The following ADK variants were observed in gnomAD, a reference collection of about 807,000 sequenced individuals.
ADK encodes the protein N6,N6-dimethyladenosine kinase.
Under a neutral mutation model 44.7 loss-of-function variants are expected in ADK, and 24 were observed. The ratio of observed to expected loss-of-function variants is 0.54; its 90% CI spans 0.39 to 0.76. The LOEUF is 0.76. ADK is among the 30% of genes least tolerant of loss of function. The pLI, the probability that ADK is intolerant of heterozygous loss-of-function variation, is 0.00. For missense variants in ADK, 321 were observed against 425.1 expected (o/e 0.76, Z 2.15); for synonymous variants, 128 against 142.6 (o/e 0.90, Z 0.73).
intron 3 of ADK, among the ~76,000 whole-genome samples, chr10:74,309,722 C>T (rs1840372286): frequency 1.3e-5 from 2 of 152,024 alleles, no homozygotes; most frequent in African/African-American, 4.8e-5. Context: ...AAAAGTCCAA[C>T]AGAGGTCCTA....
intron 1 of ADK, among the ~76,000 whole-genome samples, chr10:74,159,092 G>A (rs1166505740): frequency 1.3e-5 from 2 of 152,180 alleles, no homozygotes; most frequent in Non-Finnish European, 2.9e-5. Context: ...GATGTTGTTT[G>A]TACTTTTGGC....
intron 9 of ADK, among the ~76,000 whole-genome samples, chr10:74,602,055 T>C (rs1309297937): frequency 1.5e-5 from 2 of 136,114 alleles, no homozygotes; most frequent in Non-Finnish European, 3.0e-5. Flanking sequence ...TGTTGAGCTA[T>C]GATCTCTCCA....
At chr10:74,501,230 T>C (rs1405464025) in intron 6 of ADK, among the ~76,000 whole-genome samples, 1 of 152,200 alleles carries the variant, frequency 6.6e-6, no homozygotes, top group African/African-American at 2.4e-5. Flanking sequence ...TTCTGTTAAG[T>C]TAAAACAGTT....
intron 7 of ADK, among the ~76,000 whole-genome samples, chr10:74,580,588 AAAG>A (rs1219124327): frequency 1.3e-5 from 2 of 151,876 alleles, no homozygotes; most frequent in Non-Finnish European, 2.9e-5. Flanking sequence ...AAAAAAAAAA[AAAG>A]GAGTTACCCT....
chr10:74,512,193 T>C (rs1848359579), intron 6 of ADK, among the ~76,000 whole-genome samples: 1 of 152,128 alleles, frequency 6.6e-6, no homozygotes, highest in Non-Finnish European at 1.5e-5. Context: ...GGGTTCAGTT[T>C]GCTAGTATTT....
intron 4 of ADK, among the ~76,000 whole-genome samples, chr10:74,390,191 C>T (rs1288204304): frequency 6.6e-6 from 1 of 151,926 alleles, no homozygotes; most frequent in African/African-American, 2.4e-5. Context: ...AATTTAATAA[C>T]AATAGAAATT....
At chr10:74,577,000 C>G (rs1451449483) in intron 7 of ADK, among the ~76,000 whole-genome samples, 1 of 152,006 alleles carries the variant, frequency 6.6e-6, no homozygotes, top group Non-Finnish European at 1.5e-5. Flanking sequence ...CAGAAGTATT[C>G]AGTATCTCTT....
At chr10:74,457,974 A>G (rs553693823) in intron 6 of ADK, among the ~76,000 whole-genome samples, 3 of 152,240 alleles carry the variant, frequency 2.0e-5, no homozygotes, top group Admixed American at 6.5e-5. Flanking sequence ...TATGTAACAA[A>G]CCTGCGTGTT....
At chr10:74,472,431 T>C (rs558823551) in intron 6 of ADK, among the ~76,000 whole-genome samples, 1 of 152,196 alleles carries the variant, frequency 6.6e-6, no homozygotes, top group Non-Finnish European at 1.5e-5. Flanking sequence ...TTGTGATGTC[T>C]GATAAGATTC....
chr10:74,285,911 T>A (rs971567313), intron 3 of ADK, among the ~76,000 whole-genome samples: 3 of 152,170 alleles, frequency 2.0e-5, no homozygotes, highest in Admixed American at 2.0e-4. Flanking sequence ...TACTGTACTA[T>A]GTATTATTGT....
chr10:74,371,675 C>T (rs1842663611), intron 4 of ADK: 2 of 1,068,164 alleles, frequency 1.9e-6, no homozygotes, highest in Non-Finnish European at 2.9e-6. Flanking sequence ...ATGGCATCCA[C>T]ATCGTAAATC....
At chr10:74,625,703 T>C (rs543915542) in intron 9 of ADK, among the ~76,000 whole-genome samples, 3 of 152,128 alleles carry the variant, frequency 2.0e-5, no homozygotes, top group East Asian at 3.9e-4. Context: ...TGTGATAGGG[T>C]TAGAAAAATT....
At chr10:74,684,402 G>A (rs895674884) in intron 10 of ADK, among the ~76,000 whole-genome samples, 1 of 152,102 alleles carries the variant, frequency 6.6e-6, no homozygotes, top group Non-Finnish European at 1.5e-5. Context: ...ACAGTGATCT[G>A]TACTTATACT....
intron 4 of ADK, among the ~76,000 whole-genome samples, chr10:74,346,530 A>G (rs1052955513): frequency 6.6e-6 from 1 of 152,212 alleles, no homozygotes; most frequent in Admixed American, 6.5e-5. Flanking sequence ...ACAACACTAG[A>G]ATCAATTAAA....
In ADK at chr10:74,708,623, C is replaced by A; in HGVS notation, c.*178C>A. On this transcript the variant is annotated 3_prime_UTR_variant, in exon 11 of 11. Coordinates refer to ENST00000539909, the MANE Select transcript of ADK (RefSeq NM_006721.4). ...GCTTGTAGAATCTTTATTATCTCAACAATCTAAAAAATGATGTTTATTTCC... is the reference window on the plus strand; with the variant it reads ...GCTTGTAGAATCTTTATTATCTCAAAAATCTAAAAAATGATGTTTATTTCC... 1.6e-6 allele frequency: 1 copy of A among 627,760 alleles called. No homozygotes were observed. Among genetic ancestry groups the A allele is most frequent in the Non-Finnish European group, 2.6e-6 (1 of 386,718 alleles). 38.9% of individuals were successfully genotyped at this position (627,760 alleles called of 1,614,324 possible).
chr10:74,191,363 T>A (rs997519711), intron 1 of ADK, among the ~76,000 whole-genome samples: 2 of 152,080 alleles, frequency 1.3e-5, no homozygotes, highest in Non-Finnish European at 2.9e-5. Flanking sequence ...CCATTCCCAA[T>A]GATGTCACCC....
intron 1 of ADK, among the ~76,000 whole-genome samples, chr10:74,189,905 A>C (rs919396943): frequency 2.6e-5 from 4 of 152,126 alleles, no homozygotes; most frequent in African/African-American, 9.7e-5. Flanking sequence ...AAGTTCATAC[A>C]TGTTGTAGCG....
At chr10:74,495,774 G>A (rs543893906) in intron 6 of ADK, among the ~76,000 whole-genome samples, 1 of 152,216 alleles carries the variant, frequency 6.6e-6, no homozygotes, top group South Asian at 2.1e-4. Context: ...TATATGAGGT[G>A]GGAATGGGGT....
At chr10:74,676,235 T>C (rs1855385570) in intron 10 of ADK, among the ~76,000 whole-genome samples, 1 of 152,166 alleles carries the variant, frequency 6.6e-6, no homozygotes, top group South Asian at 2.1e-4. Flanking sequence ...GTTCAAGTGA[T>C]TCTCCTGCCT....
Sources: gnomAD v4.1 joint callset for allele counts (sites outside exome capture counted in the v4.1 genomes callset) on GRCh38, gnomAD v4.1.1 for gene constraint, MANE v1.5 for transcripts, NCBI Gene and HGNC (gene_info 2026-07-23, HGNC 2026-07-21) for gene names.